RANBP2: variants seen among roughly 807,000 people sequenced by gnomAD.
The protein encoded by RANBP2 is E3 SUMO-protein ligase RanBP2.
A neutral mutation model predicts 303.6 loss-of-function variants in RANBP2; 57 were observed. The observed-to-expected ratio is 0.19, with a 90% CI of 0.15 to 0.23. The LOEUF (loss-of-function observed/expected upper bound fraction) is 0.23. Among genes scored for constraint, RANBP2 ranks in the 10% least tolerant of loss-of-function variants. The pLI is 1.00. For synonymous variants in RANBP2, 1,167 were observed against 1,301.5 expected (o/e 0.90, Z 2.23); for missense variants, 3,138 against 3,780.8 (o/e 0.83, Z 4.46).
In RANBP2 at chr2:108,763,991, A is replaced by G. The variant is rs1676935053; in HGVS notation, c.3452A>G (p.Asn1151Ser). ...VFGTPTLETA[N>S]KNHETDGGSA... is the part of the protein sequence containing the mutation. The stretch of plus-strand genomic sequence containing the variant: ...GGAACACCCACTTTAGAGACAGCAA[A>G]CAAGAATCATGAGACAGATGGAGGA... The change falls in exon 20 of 29, where the codon AAC (asparagine) becomes AGC (serine). Residue 1151 changes from asparagine to serine, a missense_variant. Asn to Ser is a conservative substitution (Grantham distance 46, BLOSUM62 1). Coordinates refer to ENST00000283195, the MANE Select transcript of RANBP2 (RefSeq NM_006267.5). The G allele has an allele frequency of 1.2e-6, 2 of 1,613,846 alleles. No homozygotes were observed. Among genetic ancestry groups the G allele is most frequent in the Non-Finnish European group, 1.7e-6 (2 of 1,179,898 alleles).
chr2:109,614,744 A>G, the RANBP2 span: 1 of 1,484,368 alleles, frequency 6.7e-7, no homozygotes, highest in Non-Finnish European at 8.9e-7. Context: ...GGTTCTGTGA[A>G]GGGCCGTCCG....
the RANBP2 span, among the ~76,000 whole-genome samples, chr2:109,442,034 A>G: frequency 6.6e-6 from 1 of 152,226 alleles, no homozygotes; most frequent in Non-Finnish European, 1.5e-5. Context: ...ACTATTGGCC[A>G]GGCACAGTGG....
At chr2:109,652,077 G>A in the RANBP2 span, among the ~76,000 whole-genome samples, 6 of 152,174 alleles carry the variant, frequency 3.9e-5, no homozygotes, top group Non-Finnish European at 8.8e-5. Flanking sequence ...GCAGCTGCAC[G>A]GTAGTGGGTT....
At chr2:109,357,187 T>TG in the RANBP2 span, among the ~76,000 whole-genome samples, 1 of 150,518 alleles carries the variant, frequency 6.6e-6, no homozygotes, top group Non-Finnish European at 1.5e-5. Context: ...TTTTGTTTTT[T>TG]GGTTTTTTTT....
the RANBP2 span, among the ~76,000 whole-genome samples, chr2:109,198,619 G>A: frequency 6.6e-6 from 1 of 152,214 alleles, no homozygotes; most frequent in Admixed American, 6.5e-5. Flanking sequence ...CCCAGTGAGG[G>A]CTGTCTCCCT....
the RANBP2 span, among the ~76,000 whole-genome samples, chr2:108,968,874 A>T: frequency 6.6e-6 from 1 of 152,270 alleles, no homozygotes; most frequent in Non-Finnish European, 1.5e-5. Flanking sequence ...GCCAAAGCCC[A>T]GTCACGGTAG....
chr2:109,478,969 G>C, the RANBP2 span, among the ~76,000 whole-genome samples: 1 of 152,334 alleles, frequency 6.6e-6, no homozygotes, highest in East Asian at 1.9e-4. Context: ...GGCCTTAGCT[G>C]AGAGAACCTG....
At chr2:109,000,692 A>G in the RANBP2 span, among the ~76,000 whole-genome samples, 3 of 152,312 alleles carry the variant, frequency 2.0e-5, no homozygotes, top group African/African-American at 7.2e-5. Context: ...ACAACATATA[A>G]TAAGAAATAA....
chr2:109,276,209 C>A, the RANBP2 span, among the ~76,000 whole-genome samples: 2 of 152,230 alleles, frequency 1.3e-5, no homozygotes, highest in African/African-American at 2.4e-5. Context: ...TCCCACATCA[C>A]CATATGTGTG....
the RANBP2 span, among the ~76,000 whole-genome samples, chr2:109,541,150 G>C: frequency 6.6e-6 from 1 of 152,194 alleles, no homozygotes; most frequent in Non-Finnish European, 1.5e-5. Context: ...TTACCCTAGA[G>C]ATGGCAAGAA....
the RANBP2 span, chr2:108,839,330 A>G: frequency 1.3e-6 from 2 of 1,569,318 alleles, no homozygotes; most frequent in East Asian, 4.5e-5. Flanking sequence ...TTTATCTATA[A>G]GTAATACTCC....
At chr2:108,941,122 T>C in the RANBP2 span, among the ~76,000 whole-genome samples, 32 of 152,254 alleles carry the variant, frequency 2.1e-4, no homozygotes, top group Admixed American at 1.7e-3. Context: ...TTTCTTTCAC[T>C]GAATATAATA....
At chr2:109,084,657 C>A in the RANBP2 span, among the ~76,000 whole-genome samples, 2 of 152,134 alleles carry the variant, frequency 1.3e-5, no homozygotes, top group Non-Finnish European at 2.9e-5. Context: ...CAGCTGGGGT[C>A]CAGGTTCGAA....
chr2:108,829,772 C>G, the RANBP2 span, among the ~76,000 whole-genome samples: 3 of 152,178 alleles, frequency 2.0e-5, no homozygotes, highest in African/African-American at 7.2e-5. Flanking sequence ...TATATACATA[C>G]GTACATACAA....
chr2:109,429,926 GC>G, the RANBP2 span, among the ~76,000 whole-genome samples: 4,772 of 152,286 alleles, frequency 0.031, 126 homozygotes, highest in Middle Eastern at 0.096. Flanking sequence ...GCCCCAGTCA[GC>G]GGGTGTAGCC....
the RANBP2 span, among the ~76,000 whole-genome samples, chr2:109,573,255 C>T: frequency 1.3e-5 from 2 of 152,274 alleles, no homozygotes; most frequent in East Asian, 3.9e-4. Flanking sequence ...GATCAGACAG[C>T]TAATAAATGA....
the RANBP2 span, among the ~76,000 whole-genome samples, chr2:109,101,343 G>A: frequency 6.6e-6 from 1 of 151,976 alleles, no homozygotes; most frequent in African/African-American, 2.4e-5. Flanking sequence ...TGGCTAAGAC[G>A]GTGAAACCCC....
the RANBP2 span, among the ~76,000 whole-genome samples, chr2:109,301,304 G>A: frequency 1.3e-5 from 2 of 150,470 alleles, no homozygotes; most frequent in Non-Finnish European, 2.9e-5. Context: ...GTGTGTGTAT[G>A]TGGTGGGGGG....
At chr2:108,818,183 A>G in the RANBP2 span, among the ~76,000 whole-genome samples, 1 of 152,064 alleles carries the variant, frequency 6.6e-6, no homozygotes, top group Non-Finnish European at 1.5e-5. Flanking sequence ...GCACGCGCCT[A>G]TAACCCCAGT....
Sources: gnomAD v4.1 joint callset for allele counts (sites outside exome capture counted in the v4.1 genomes callset) on GRCh38, gnomAD v4.1.1 for gene constraint, MANE v1.5 for transcripts, NCBI Gene and HGNC (gene_info 2026-07-23, HGNC 2026-07-21) for gene names.